CDK6: variants seen among roughly 807,000 people sequenced by gnomAD.
CDK6 encodes cyclin-dependent kinase 6.
A neutral mutation model predicts 37.1 loss-of-function variants in CDK6; 6 were observed. The observed-to-expected ratio is 0.16, with a 90% CI of 0.09 to 0.32. The LOEUF is 0.32. Ranked by LOEUF, CDK6 falls within the 10% of genes least tolerant of loss-of-function variation. The pLI, the probability that CDK6 is intolerant of heterozygous loss-of-function variation, is 1.00. For synonymous variants in CDK6, 160 were observed against 161.3 expected (o/e 0.99, Z 0.06); for missense variants, 224 against 418.9 (o/e 0.53, Z 4.06).
chr7:92,733,699 AAT>A, intron 3 of CDK6, among the ~76,000 whole-genome samples: 1 of 152,186 alleles, frequency 6.6e-6, no homozygotes, highest in East Asian at 1.9e-4. Context: ...TCATGTTCTA[AAT>A]TACTTGAAGT....
intron 4 of CDK6, among the ~76,000 whole-genome samples, chr7:92,704,204 T>C (rs1432455273): frequency 6.6e-6 from 1 of 152,224 alleles, no homozygotes; most frequent in African/African-American, 2.4e-5. Context: ...TTAATTTGTT[T>C]ATCATACACC....
intron 5 of CDK6, among the ~76,000 whole-genome samples, chr7:92,631,511 G>A (rs996856084): frequency 6.6e-5 from 10 of 152,132 alleles, no homozygotes; most frequent in Non-Finnish European, 7.4e-5. Context: ...GGACTAGACT[G>A]GGGGGAGTCC....
At chr7:92,767,673 C>A (rs1032404710) in intron 3 of CDK6, among the ~76,000 whole-genome samples, 4 of 152,160 alleles carry the variant, frequency 2.6e-5, no homozygotes, top group Non-Finnish European at 4.4e-5. Context: ...CCTGTCTACT[C>A]TCAGGCTGGC....
intron 4 of CDK6, among the ~76,000 whole-genome samples, chr7:92,679,214 G>A (rs1473333896): frequency 2.0e-5 from 3 of 152,114 alleles, no homozygotes; most frequent in Non-Finnish European, 2.9e-5. Context: ...CAGCGTGGGT[G>A]GCAACTTCTT....
At chr7:92,779,191 T>C (rs765551811) in intron 2 of CDK6, among the ~76,000 whole-genome samples, 35 of 152,030 alleles carry the variant, frequency 2.3e-4, no homozygotes, top group Non-Finnish European at 4.4e-4. Context: ...TTCCTCAGAG[T>C]TATACTGCTC....
At chr7:92,649,975 T>C (rs960971099) in intron 5 of CDK6, among the ~76,000 whole-genome samples, 1 of 152,188 alleles carries the variant, frequency 6.6e-6, no homozygotes, top group Non-Finnish European at 1.5e-5. Flanking sequence ...AGCTTTACAA[T>C]TGTACCAGAA....
At position 92,639,390 on chromosome 7, in the gene CDK6, T is replaced by G. The variant is rs116000080; in HGVS notation, c.648-16304A>C. 2.4e-3 allele frequency among the ~76,000 whole-genome samples: 365 copies of G among 152,366 alleles called. 1 individual carries two copies. The highest frequency in any genetic ancestry group is 8.4e-3 in the African/African-American group (351 of 41,588). On this transcript the variant is annotated intron_variant, in intron 5 of 7. Coordinates refer to ENST00000424848, the MANE Select transcript of CDK6 (RefSeq NM_001145306.2). ...TAGGTTCTTTTGCATATTAGTGGTC[T>G]GAGGAGCATGTTAGGAGACTGACAA... is the stretch of plus-strand genomic sequence containing the variant.
At chr7:92,777,107 A>T (rs987239572) in intron 2 of CDK6, among the ~76,000 whole-genome samples, 1 of 152,160 alleles carries the variant, frequency 6.6e-6, no homozygotes, top group African/African-American at 2.4e-5. Context: ...GTCCAGTTTC[A>T]GTTTTCTGCA....
intron 2 of CDK6, among the ~76,000 whole-genome samples, chr7:92,804,737 G>T (rs2115913726): frequency 6.6e-6 from 1 of 151,214 alleles, no homozygotes; most frequent in African/African-American, 2.4e-5. Context: ...AAATTTGTTT[G>T]TTGTGGGGAG....
At chr7:92,683,092 A>C (rs1562934547) in intron 4 of CDK6, among the ~76,000 whole-genome samples, 1 of 152,208 alleles carries the variant, frequency 6.6e-6, no homozygotes, top group African/African-American at 2.4e-5. Flanking sequence ...GAAACCAAGC[A>C]AATATTTGCA....
rs1159782036 is a variant in CDK6 at position 92,610,132 on chromosome 7, CTT to C, written c.*5006_*5007del. The C allele has an allele frequency of 6.1e-5, 14 of 231,188 alleles. No homozygotes were observed. The highest frequency in any genetic ancestry group is 1.3e-3 in the Middle Eastern group (1 of 796). 14.3% of individuals were successfully genotyped at this position (231,188 alleles called of 1,614,324 possible). A position where few individuals can be genotyped will look rare whatever the true frequency, so the allele number is the denominator to read the frequency against. ...CGGAATAAAACAAGAAAGCTCATCT[CTT>C]AGGACAGTGTGAATGTTTAGAAAGA... On this transcript the variant is annotated 3_prime_UTR_variant, in exon 8 of 8. Transcript: ENST00000424848.
chr7:92,754,830 C>A (rs1376097471), intron 3 of CDK6, among the ~76,000 whole-genome samples: 2 of 152,154 alleles, frequency 1.3e-5, no homozygotes, highest in East Asian at 3.9e-4. Context: ...TGACAGTCAG[C>A]AAGATGGATC....
intron 4 of CDK6, among the ~76,000 whole-genome samples, chr7:92,673,140 C>T (rs1797128220): frequency 6.6e-6 from 1 of 152,194 alleles, no homozygotes; most frequent in Admixed American, 6.5e-5. Flanking sequence ...CCCAGTTGAG[C>T]TCTCAGCTGA....
intron 5 of CDK6, among the ~76,000 whole-genome samples, chr7:92,662,288 C>G (rs1796856314): frequency 6.6e-6 from 1 of 152,054 alleles, no homozygotes; most frequent in Admixed American, 6.5e-5. Context: ...TCTTAATTAA[C>G]TGGAGATGGG....
At chr7:92,788,150 T>C (rs933285754) in intron 2 of CDK6, among the ~76,000 whole-genome samples, 2 of 152,178 alleles carry the variant, frequency 1.3e-5, no homozygotes, top group African/African-American at 4.8e-5. Flanking sequence ...CAAACACTTA[T>C]AAAAATTAAA....
chr7:92,676,956 CAAAAA>C (rs1199410067), intron 4 of CDK6, among the ~76,000 whole-genome samples: 3 of 65,166 alleles, frequency 4.6e-5, no homozygotes, highest in Admixed American at 3.5e-4. Context: ...GACTCCGTCT[CAAAAA>C]AAAAAAAAAA....
Position 92,609,548 on chromosome 7 carries a change from A to G in CDK6, c.*5592T>C, listed in dbSNP as rs1049699793. On this transcript the variant is annotated 3_prime_UTR_variant, in exon 8 of 8. Transcript: ENST00000424848. ...TTTCAATACAGCAATTTTTCAGACA[A>G]AAGTTTTGTCTACTGAATTACTGAT... 2 of 229,188 alleles carry G rather than the reference A, an allele frequency of 8.7e-6. No individual in the cohort carries two copies. The highest frequency in any genetic ancestry group is 4.4e-5 in the African/African-American group (2 of 45,128). 14.2% of individuals were successfully genotyped at this position (229,188 alleles called of 1,614,324 possible).
chr7:92,768,197 A>C (rs1177571329), intron 3 of CDK6, among the ~76,000 whole-genome samples: 1 of 152,130 alleles, frequency 6.6e-6, no homozygotes, highest in African/African-American at 2.4e-5. Context: ...GTAGAGGGGT[A>C]AACAGTGAAA....
chr7:92,821,839 T>TG (rs1562975477), intron 2 of CDK6, among the ~76,000 whole-genome samples: 1 of 151,998 alleles, frequency 6.6e-6, no homozygotes, highest in Non-Finnish European at 1.5e-5. Flanking sequence ...GTGCTTGGAA[T>TG]GGTAGCCCCA....
Sources: allele counts gnomAD v4.1 joint callset (sites outside exome capture counted in the v4.1 genomes callset), GRCh38; gene constraint gnomAD v4.1.1; transcripts MANE v1.5; gene names NCBI Gene and HGNC (gene_info 2026-07-23, HGNC 2026-07-21).